PHEX: variants seen among roughly 807,000 people sequenced by gnomAD.
PHEX encodes the protein phosphate regulating endopeptidase X-linked, also known as phosphate-regulating neutral endopeptidase PHEX.
PHEX carries 16 observed loss-of-function variants against 68.0 expected under a neutral mutation model. The ratio of observed to expected loss-of-function variants is 0.24; its 90% CI spans 0.16 to 0.36. PHEX has a LOEUF of 0.36. Ranked by LOEUF, PHEX falls within the 10% of genes least tolerant of loss-of-function variation. PHEX has a pLI of 1.00. For missense variants in PHEX, 480 were observed against 575.5 expected, an observed-to-expected ratio of 0.83 and a Z score of 1.70; for synonymous variants, 208 against 205.1, an observed-to-expected ratio of 1.01 and a Z score of -0.12.
At chrX:22,091,988 T>C (rs1219371107) in intron 6 of PHEX, among the ~76,000 whole-genome samples, 1 of 111,625 alleles carries the variant, frequency 9.0e-6, no homozygotes, top group African/African-American at 3.3e-5. Flanking sequence ...CATGATTCAA[T>C]TATATCCACC....
chrX:22,057,626 C>T (rs934367906), intron 3 of PHEX, among the ~76,000 whole-genome samples: 25 of 110,999 alleles, frequency 2.3e-4, no homozygotes, highest in African/African-American at 6.9e-4. Context: ...ACCCAATCTC[C>T]AATCCCTTTG....
chrX:22,115,394 A>T (rs1023411617), intron 11 of PHEX, among the ~76,000 whole-genome samples: 5 of 112,603 alleles, frequency 4.4e-5, no homozygotes, highest in Admixed American at 9.4e-5. Flanking sequence ...TGCCACAATC[A>T]AATGAACACA....
intron 18 of PHEX, among the ~76,000 whole-genome samples, chrX:22,224,993 G>GATTTATTATCATACAGCGCTGTA: frequency 2.6e-3 from 253 of 98,940 alleles, no homozygotes; most frequent in Non-Finnish European, 2.8e-3. Context: ...AGCTCTGTAT[G>GATTTATTATCATACAGCGCTGTA]TCAGAAGTCT....
At chrX:22,158,921 C>T (rs1933029105) in intron 12 of PHEX, among the ~76,000 whole-genome samples, 1 of 112,338 alleles carries the variant, frequency 8.9e-6, no homozygotes, top group Admixed American at 9.4e-5. Flanking sequence ...TTGTTTCTCT[C>T]TTCAAATAAT....
At chrX:22,184,175 A>G (rs1393647689) in intron 14 of PHEX, among the ~76,000 whole-genome samples, 1 of 111,830 alleles carries the variant, frequency 8.9e-6, no homozygotes, top group African/African-American at 3.2e-5. Context: ...TTTCAGGGAA[A>G]TAACATTTAG....
intron 15 of PHEX, among the ~76,000 whole-genome samples, chrX:22,204,912 G>C (rs1239042820): frequency 1.8e-5 from 2 of 110,300 alleles, no homozygotes; most frequent in Non-Finnish European, 3.8e-5. Flanking sequence ...CACACTTAAG[G>C]CTTTTGAAAA....
intron 3 of PHEX, among the ~76,000 whole-genome samples, chrX:22,069,184 T>C (rs1280244455): frequency 9.0e-6 from 1 of 111,367 alleles, no homozygotes; most frequent in East Asian, 2.8e-4. Flanking sequence ...AAAAATGCTA[T>C]ACGAAAAAAC....
intron 20 of PHEX, among the ~76,000 whole-genome samples, chrX:22,242,294 A>G (rs1057163835): frequency 6.3e-5 from 7 of 111,926 alleles, no homozygotes; most frequent in African/African-American, 2.3e-4. Context: ...AATAAGAGCT[A>G]TTTATGACAA....
At chrX:22,061,804 C>T (rs750758146) in intron 3 of PHEX, among the ~76,000 whole-genome samples, 6 of 111,496 alleles carry the variant, frequency 5.4e-5, no homozygotes, top group African/African-American at 2.0e-4. Context: ...TCCTGTTTTA[C>T]GATTGGGCAA....
At chrX:22,182,360 A>G (rs1405606504) in intron 14 of PHEX, among the ~76,000 whole-genome samples, 4 of 111,695 alleles carry the variant, frequency 3.6e-5, no homozygotes, top group Non-Finnish European at 7.5e-5. Context: ...CCACTGTGAT[A>G]GGACAGCACT....
chrX:22,228,276 A>G (rs1318087626), intron 20 of PHEX, among the ~76,000 whole-genome samples: 1 of 112,025 alleles, frequency 8.9e-6, no homozygotes, highest in Non-Finnish European at 1.9e-5. Flanking sequence ...CAGCCTTTTC[A>G]AAGAAGTCAG....
chrX:22,169,913 A>C (rs1933465072), intron 13 of PHEX: 1 of 112,514 alleles, frequency 8.9e-6, no homozygotes, highest in Non-Finnish European at 1.9e-5. Context: ...AGACTGTATA[A>C]ATGTAAAAGC....
At chrX:22,039,360 G>A (rs1266846942) in intron 2 of PHEX, among the ~76,000 whole-genome samples, 5 of 112,177 alleles carry the variant, frequency 4.5e-5, no homozygotes, top group African/African-American at 9.7e-5. Flanking sequence ...GTGAAGATGA[G>A]TGTTTAAAGT....
At chrX:22,104,805 G>A (rs939842309) in intron 9 of PHEX, among the ~76,000 whole-genome samples, 2 of 111,562 alleles carry the variant, frequency 1.8e-5, no homozygotes, top group Non-Finnish European at 3.8e-5. Context: ...AGGAGCTGAC[G>A]TGATTTCCTC....
chrX:22,147,116 G>A (rs189644726), intron 12 of PHEX, among the ~76,000 whole-genome samples: 103 of 111,323 alleles, frequency 9.3e-4, no homozygotes, highest in Non-Finnish European at 2.5e-4. Context: ...CATGGGATGG[G>A]TGGTGGTGAT....
Position 22,036,054 on chromosome X carries a change from A to ATATAT in PHEX, c.119-2414_119-2413insATATT, listed in dbSNP as rs1349859330. 7.9e-4 allele frequency among the ~76,000 whole-genome samples: 45 copies of ATATAT among 56,705 alleles called. 1 individual carries two copies. The highest frequency in any genetic ancestry group is 3.9e-3 in the African/African-American group (43 of 10,925). The allele number at this position is 56,705 out of a possible 115,157, so 49.2% of individuals were successfully genotyped here. On this transcript the variant is annotated intron_variant, in intron 1 of 21. Transcript: ENST00000379374. The stretch of plus-strand genomic sequence containing the variant: ...CACGTACATATATATATATATATAT[A>ATATAT]TTTTTTTTTTTTTTTTTTTTTTTGA...
chrX:22,226,514 C>A lies in PHEX; in HGVS notation c.1965+6C>A. 1 of 1,185,155 alleles carries A rather than the reference C, an allele frequency of 8.4e-7. No homozygotes were observed. The highest frequency in any genetic ancestry group is 1.1e-6 in the Non-Finnish European group (1 of 872,964). On this transcript the variant is annotated splice_donor_region_variant and intron_variant, in intron 19 of 21. Transcript: ENST00000379374. Reference sequence around the variant, plus strand: ...GCCTGCGGGAAGCTTTTAGGGTATGCGCTGCTACATTTACCGTGGTTCTAA... The same window carrying A: ...GCCTGCGGGAAGCTTTTAGGGTATGAGCTGCTACATTTACCGTGGTTCTAA...
At chrX:22,119,876 C>T (rs1413334339) in intron 11 of PHEX, among the ~76,000 whole-genome samples, 1 of 110,868 alleles carries the variant, frequency 9.0e-6, no homozygotes, top group African/African-American at 3.3e-5. Flanking sequence ...GGATTATAGA[C>T]GTGAGCCACC....
At chrX:22,089,797 G>A (rs1929797411) in intron 5 of PHEX, among the ~76,000 whole-genome samples, 1 of 111,963 alleles carries the variant, frequency 8.9e-6, no homozygotes, top group Admixed American at 9.4e-5. Flanking sequence ...TAGTTGTCTG[G>A]TTATTATTTG....
Sources: allele counts gnomAD v4.1 joint callset (sites outside exome capture counted in the v4.1 genomes callset), GRCh38; gene constraint gnomAD v4.1.1; transcripts MANE v1.5; gene names NCBI Gene and HGNC (gene_info 2026-07-23, HGNC 2026-07-21).